CDH18: variants seen among roughly 807,000 people sequenced by gnomAD.
CDH18 encodes cadherin-18.
CDH18 carries 31 observed loss-of-function variants against 67.9 expected under a neutral mutation model. The ratio of observed to expected loss-of-function variants is 0.46; its 90% CI spans 0.34 to 0.62. The LOEUF (loss-of-function observed/expected upper bound fraction) is 0.62, where lower values mean the gene tolerates loss of function less well. Among genes scored for constraint, CDH18 ranks in the 20% least tolerant of loss-of-function variants. The pLI is 0.01. For synonymous variants in CDH18, 362 were observed against 347.2 expected, an observed-to-expected ratio of 1.04 and a Z score of -0.48; for missense variants, 890 against 975.5, an observed-to-expected ratio of 0.91 and a Z score of 1.17.
intron 5 of CDH18, among the ~76,000 whole-genome samples, chr5:19,647,470 C>T (rs1346279078): frequency 8.0e-6 from 1 of 125,006 alleles, no homozygotes; most frequent in African/African-American, 3.1e-5. Flanking sequence ...GTAGAGGTTG[C>T]AGTGAGCCAA....
intron 11 of CDH18, among the ~76,000 whole-genome samples, chr5:19,487,866 T>C (rs775561206): frequency 2.0e-5 from 3 of 152,134 alleles, no homozygotes; most frequent in Non-Finnish European, 4.4e-5. Flanking sequence ...ATCATAATAA[T>C]AAATATAATT....
intron 2 of CDH18, among the ~76,000 whole-genome samples, chr5:19,855,027 C>T (rs1469435956): frequency 1.3e-5 from 2 of 151,634 alleles, no homozygotes; most frequent in Non-Finnish European, 2.9e-5. Flanking sequence ...AACATAATGT[C>T]CTCCAGGTCC....
intron 4 of CDH18, among the ~76,000 whole-genome samples, chr5:19,739,387 C>T (rs1342139522): frequency 6.6e-6 from 1 of 152,136 alleles, no homozygotes; most frequent in African/African-American, 2.4e-5. Flanking sequence ...GGATCAGAGA[C>T]AAGCCACCCA....
chr5:19,616,950 C>G (rs1010925354), intron 5 of CDH18, among the ~76,000 whole-genome samples: 1 of 152,066 alleles, frequency 6.6e-6, no homozygotes, highest in African/African-American at 2.4e-5. Flanking sequence ...TTTTGAGCCA[C>G]TATTTTCATC....
At chr5:19,945,874 G>A (rs1795234446) in intron 2 of CDH18, among the ~76,000 whole-genome samples, 1 of 151,816 alleles carries the variant, frequency 6.6e-6, no homozygotes. Context: ...GATTTTTTGG[G>A]ACAACACAAA....
At chr5:19,833,989 T>C (rs930390603) in intron 3 of CDH18, among the ~76,000 whole-genome samples, 19 of 152,066 alleles carry the variant, frequency 1.2e-4, no homozygotes, top group Admixed American at 6.6e-5. Flanking sequence ...TTTTTGTTGT[T>C]GTGTCTCTTC....
intron 1 of CDH18, among the ~76,000 whole-genome samples, chr5:20,433,918 A>G (rs1005696494): frequency 1.3e-5 from 2 of 152,152 alleles, no homozygotes; most frequent in African/African-American, 2.4e-5. Flanking sequence ...AGCTGAGTAA[A>G]GAAAACGCGT....
At chr5:20,501,536 T>A (rs1561068881) in intron 1 of CDH18, among the ~76,000 whole-genome samples, 4 of 72,882 alleles carry the variant, frequency 5.5e-5, no homozygotes, top group Non-Finnish European at 1.0e-4. Context: ...TTATATATAT[T>A]ATATACATAT....
At chr5:19,689,240 A>C (rs1761520152) in intron 5 of CDH18, among the ~76,000 whole-genome samples, 1 of 152,078 alleles carries the variant, frequency 6.6e-6, no homozygotes, top group South Asian at 2.1e-4. Context: ...CAAAATGTCA[A>C]ATGCAAATAC....
At chr5:20,549,910 A>G (rs1306994909) in intron 1 of CDH18, among the ~76,000 whole-genome samples, 4 of 152,182 alleles carry the variant, frequency 2.6e-5, no homozygotes, top group Non-Finnish European at 5.9e-5. Context: ...AATTGTTTCA[A>G]CATATGCAAG....
intron 5 of CDH18, among the ~76,000 whole-genome samples, chr5:19,660,139 T>G (rs1756960944): frequency 6.6e-6 from 1 of 152,156 alleles, no homozygotes; most frequent in Non-Finnish European, 1.5e-5. Context: ...TCAGTTTCTA[T>G]AAGTCGTTTT....
At chr5:20,301,529 T>C (rs1171351078) in intron 1 of CDH18, among the ~76,000 whole-genome samples, 1 of 152,126 alleles carries the variant, frequency 6.6e-6, no homozygotes, top group Non-Finnish European at 1.5e-5. Flanking sequence ...ACGGGACAAA[T>C]CAGTATCTAC....
intron 3 of CDH18, among the ~76,000 whole-genome samples, chr5:19,779,630 T>G (rs1375954857): frequency 3.9e-5 from 6 of 152,148 alleles, no homozygotes; most frequent in Admixed American, 3.9e-4. Flanking sequence ...CGCCACAGTT[T>G]TTTTCTTAAT....
At chr5:19,970,869 A>C (rs886768233) in intron 2 of CDH18, among the ~76,000 whole-genome samples, 2 of 151,696 alleles carry the variant, frequency 1.3e-5, no homozygotes, top group Admixed American at 1.3e-4. Context: ...ACTTGTTGAC[A>C]TATATAGGTA....
intron 1 of CDH18, among the ~76,000 whole-genome samples, chr5:20,397,138 T>G (rs910167972): frequency 2.0e-5 from 3 of 152,090 alleles, no homozygotes; most frequent in Non-Finnish European, 4.4e-5. Context: ...TTTGTGGTGT[T>G]TGTTTGTTTT....
chr5:20,551,813 T>C (rs1475871618), intron 1 of CDH18, among the ~76,000 whole-genome samples: 4 of 152,166 alleles, frequency 2.6e-5, no homozygotes, highest in Non-Finnish European at 5.9e-5. Context: ...AAAAAATGTG[T>C]AGGTCTGTAA....
chr5:19,566,774 A>G (rs973201118), intron 8 of CDH18, among the ~76,000 whole-genome samples: 3 of 152,204 alleles, frequency 2.0e-5, no homozygotes, highest in Non-Finnish European at 2.9e-5. Context: ...CTGAAGAGAT[A>G]TCTGCACTCC....
At chr5:20,505,141 G>A (rs577983657) in intron 1 of CDH18, among the ~76,000 whole-genome samples, 1 of 152,144 alleles carries the variant, frequency 6.6e-6, no homozygotes, top group South Asian at 2.1e-4. Context: ...ATTTCAGATA[G>A]CCTGCAAAAT....
chr5:19,767,254 T>G (rs971278527), intron 3 of CDH18, among the ~76,000 whole-genome samples: 1 of 151,986 alleles, frequency 6.6e-6, no homozygotes, highest in Non-Finnish European at 1.5e-5. Context: ...ATAATAACAT[T>G]ATAAGCTGGG....
Sources: gnomAD v4.1 joint callset for allele counts (sites outside exome capture counted in the v4.1 genomes callset) on GRCh38, gnomAD v4.1.1 for gene constraint, MANE v1.5 for transcripts, NCBI Gene and HGNC (gene_info 2026-07-23, HGNC 2026-07-21) for gene names.